Variants in DCLRE1C observed in about 807,000 individuals in gnomAD.
The protein encoded by DCLRE1C is protein artemis.
In DCLRE1C, 47 loss-of-function variants were observed where a neutral mutation model predicts 61.4. The observed-to-expected ratio is 0.77, with a 90% CI of 0.61 to 0.98. DCLRE1C has a LOEUF of 0.98. Among genes scored for constraint, DCLRE1C ranks in the 50% least tolerant of loss-of-function variants. DCLRE1C has a pLI of 0.00. For missense variants in DCLRE1C, 858 were observed against 816.0 expected, an observed-to-expected ratio of 1.05 and a Z score of -0.63; for synonymous variants, 337 against 287.6, an observed-to-expected ratio of 1.17 and a Z score of -1.74.
intron 11 of DCLRE1C, among the ~76,000 whole-genome samples, chr10:14,924,483 A>G (rs1391426696): frequency 6.6e-6 from 1 of 152,198 alleles, no homozygotes; most frequent in African/African-American, 2.4e-5. Flanking sequence ...CTAATTTTAG[A>G]TTCTTCATTT....
At chr10:14,931,181 T>C (rs965653130) in intron 9 of DCLRE1C, among the ~76,000 whole-genome samples, 3 of 152,234 alleles carry the variant, frequency 2.0e-5, no homozygotes, top group East Asian at 1.9e-4. Flanking sequence ...ATAATTTTAA[T>C]TGAAACAATA....
At chr10:14,954,255 C>T, upstream of DCLRE1C, 1 of 611,484 alleles carries the variant, frequency 1.6e-6, no homozygotes, top group Non-Finnish European at 2.9e-6. Flanking sequence ...GCCCTGAGCC[C>T]TGCCCAGTGC....
At position 14,918,950 on chromosome 10, in the gene DCLRE1C, T is replaced by C. The variant is rs41299736; in HGVS notation, c.1156+788A>G. 5.2e-3 allele frequency among the ~76,000 whole-genome samples: 794 copies of C among 152,324 alleles called. 2 individuals are homozygous for C. Among genetic ancestry groups the C allele is most frequent in the Middle Eastern group, 0.027 (8 of 294 alleles). On this transcript the variant is annotated intron_variant, in intron 13 of 13. Transcript: ENST00000378278. ...GGGACTTAAGTCTCTAAACTTCAGT[T>C]TCCTCATCATTATAATTGGGATGGT...
intron 13 of DCLRE1C, among the ~76,000 whole-genome samples, chr10:14,917,292 C>A (rs763655771): frequency 6.6e-6 from 1 of 151,912 alleles, no homozygotes; most frequent in Non-Finnish European, 1.5e-5. Flanking sequence ...AAAATTGTAA[C>A]AACTTCTGGC....
rs994211859 is a variant in DCLRE1C, at chr10:14,907,603, G to C, written c.*805C>G. ...GAGCTGTTAGGTGCATATACGTTTA[G>C]GATTATTTTGTCTTCTTGGTGAACT... is the stretch of plus-strand genomic sequence containing the variant. On this transcript the variant is annotated 3_prime_UTR_variant, in exon 14 of 14. Transcript: ENST00000378278. 5.3e-5 allele frequency among the ~76,000 whole-genome samples: 8 copies of C among 151,958 alleles called. No individual in the cohort carries two copies. The highest frequency in any genetic ancestry group is 1.9e-4 in the African/African-American group (8 of 41,392).
At chr10:14,944,795 C>T (rs1841425112) in intron 3 of DCLRE1C, among the ~76,000 whole-genome samples, 2 of 151,160 alleles carry the variant, frequency 1.3e-5, no homozygotes, top group Admixed American at 1.3e-4. Context: ...CTGCCTCAGC[C>T]TCACAAGTAG....
At chr10:14,948,710 T>C (rs775683234) in intron 2 of DCLRE1C, among the ~76,000 whole-genome samples, 1 of 151,116 alleles carries the variant, frequency 6.6e-6, no homozygotes, top group Non-Finnish European at 1.5e-5. Context: ...ACTCCATCTC[T>C]GTTTTTTTTG....
intron 12 of DCLRE1C, among the ~76,000 whole-genome samples, chr10:14,922,466 A>T (rs554251323): frequency 1.6e-4 from 25 of 152,122 alleles, no homozygotes; most frequent in African/African-American, 5.1e-4. Context: ...TCATTCATGA[A>T]TGCATAAATG....
chr10:14,908,369 T>A lies in DCLRE1C; in HGVS notation c.*39A>T, dbSNP rs369878999. On this transcript the variant is annotated 3_prime_UTR_variant, in exon 14 of 14. Coordinates refer to ENST00000378278, the MANE Select transcript of DCLRE1C (RefSeq NM_001033855.3). ...ATATTGACTGTCATCTCTGTGCAGG[T>A]TTTTTAGTGGTTGCTCTAGGTTGAA... The A allele has an allele frequency of 6.7e-7, 1 of 1,486,194 alleles. No individual in the cohort carries two copies. The highest frequency in any genetic ancestry group is 1.4e-5 in the African/African-American group (1 of 72,100). 92.1% of individuals were successfully genotyped at this position (1,486,194 alleles called of 1,614,324 possible).
chr10:14,898,412 G>T (rs1358573842), exon 14 of DCLRE1C: 1 of 151,750 alleles, frequency 6.6e-6, no homozygotes, highest in Admixed American at 6.6e-5. Context: ...CACAAGCATG[G>T]CTACATATCT....
At chr10:14,953,348 C>A (rs1041979540) in intron 1 of DCLRE1C, among the ~76,000 whole-genome samples, 7 of 152,108 alleles carry the variant, frequency 4.6e-5, no homozygotes, top group African/African-American at 7.2e-5. Context: ...ATCATAGTAG[C>A]TTTTCAGGTT....
chr10:14,946,374 A>G (rs552290671), intron 2 of DCLRE1C, among the ~76,000 whole-genome samples: 109 of 152,228 alleles, frequency 7.2e-4, no homozygotes, highest in Non-Finnish European at 1.4e-3. Flanking sequence ...GGTAGATTGT[A>G]TTTTCCAAAG....
rs191962685 is a variant in DCLRE1C, at chr10:14,916,263, C to T, written c.1156+3475G>A. The stretch of plus-strand genomic sequence containing the variant: ...GTAGTCTAGACAAGAAAGAGAAAAA[C>T]ATCCTGGCTGAAAAGGAAGAAGCAA... On this transcript the variant is annotated intron_variant, in intron 13 of 13. Transcript: ENST00000378278. Among the ~76,000 whole-genome samples, 197 of 152,254 alleles carry T rather than the reference C, an allele frequency of 1.3e-3. 1 individual carries two copies. Among genetic ancestry groups the T allele is most frequent in the African/African-American group, 2.2e-3 (93 of 41,558 alleles).
chr10:14,924,163 C>T (rs1384218594), intron 11 of DCLRE1C, among the ~76,000 whole-genome samples: 1 of 152,224 alleles, frequency 6.6e-6, no homozygotes, highest in African/African-American at 2.4e-5. Context: ...TGTGTGCTCA[C>T]GCTAACGGGA....
At chr10:14,954,138 C>G (rs1842853521), upstream of DCLRE1C, 1 of 1,507,140 alleles carries the variant, frequency 6.6e-7, no homozygotes, top group Non-Finnish European at 9.0e-7. Flanking sequence ...CAGCCACGTC[C>G]AATCAGAGGA....
chr10:14,941,386 G>C (rs1175202615), intron 3 of DCLRE1C, among the ~76,000 whole-genome samples: 1 of 152,134 alleles, frequency 6.6e-6, no homozygotes, highest in Non-Finnish European at 1.5e-5. Flanking sequence ...CGGGGCTCAA[G>C]TGATTTTTCT....
chr10:14,950,929 G>A (rs6602769), intron 1 of DCLRE1C, among the ~76,000 whole-genome samples: 95,694 of 151,930 alleles, frequency 0.63, 30,484 homozygotes, highest in East Asian at 0.8. Context: ...CCCAACCCTG[G>A]GCCACTATCT....
chr10:14,913,489 A>T (rs1188619816), intron 13 of DCLRE1C, among the ~76,000 whole-genome samples: 1 of 152,182 alleles, frequency 6.6e-6, no homozygotes, highest in Non-Finnish European at 1.5e-5. Context: ...AGACTGGGAG[A>T]AGAGGAATGG....
chr10:14,909,314 A>G lies in DCLRE1C; in HGVS notation c.1173T>C (p.Tyr391=). Residue 391 remains tyrosine (Y), a synonymous_variant, in exon 14 of 14, where the codon TAT becomes TAC. Coordinates refer to ENST00000378278, the MANE Select transcript of DCLRE1C (RefSeq NM_001033855.3). The part of the protein sequence containing the change: ...VHRDSEEEDD[Y]LFDDPLPIPL... Reference sequence around the variant, plus strand: ...GTATTGGCAGAGGATCATCAAAGAGATAGTCATCTTCCTCCTCTGTGGGAC... The same window carrying G: ...GTATTGGCAGAGGATCATCAAAGAGGTAGTCATCTTCCTCCTCTGTGGGAC... 2 of 1,613,708 alleles carry G rather than the reference A, an allele frequency of 1.2e-6. No individual in the cohort carries two copies. Among genetic ancestry groups the G allele is most frequent in the South Asian group, 1.1e-5 (1 of 91,024 alleles).
Sources: allele counts gnomAD v4.1 joint callset (sites outside exome capture counted in the v4.1 genomes callset), GRCh38; gene constraint gnomAD v4.1.1; transcripts MANE v1.5; gene names NCBI Gene and HGNC (gene_info 2026-07-23, HGNC 2026-07-21).